Variants in RPS6KC1 observed in about 807,000 individuals in gnomAD.
The protein encoded by RPS6KC1 is ribosomal protein S6 kinase C1, also known as inactive ribosomal protein S6 kinase delta-1.
A neutral mutation model predicts 103.8 loss-of-function variants in RPS6KC1; 54 were observed. The ratio of observed to expected loss-of-function variants is 0.52; its 90% CI spans 0.42 to 0.65. The LOEUF is 0.65. Ranked by LOEUF, RPS6KC1 falls within the 30% of genes least tolerant of loss-of-function variation. The pLI is 0.00. For missense variants in RPS6KC1, 1,151 were observed against 1,253.8 expected, an observed-to-expected ratio of 0.92 and a Z score of 1.24; for synonymous variants, 439 against 438.7, an observed-to-expected ratio of 1.00 and a Z score of -0.01.
the RPS6KC1 span, among the ~76,000 whole-genome samples, chr1:213,699,726 G>A: frequency 6.6e-6 from 1 of 151,946 alleles, no homozygotes; most frequent in Admixed American, 6.6e-5. Flanking sequence ...TCTCTATTTT[G>A]ATTATAAGCC....
chr1:213,653,303 CA>C, the RPS6KC1 span, among the ~76,000 whole-genome samples: 2 of 152,054 alleles, frequency 1.3e-5, no homozygotes, highest in African/African-American at 4.8e-5. Context: ...ATTGAAAGTA[CA>C]AAAAGTTAGC....
chr1:213,824,784 G>A, the RPS6KC1 span, among the ~76,000 whole-genome samples: 550 of 152,266 alleles, frequency 3.6e-3, no homozygotes, highest in Non-Finnish European at 4.4e-3. Flanking sequence ...CCAGCCACAC[G>A]GAACTACAAG....
chr1:213,750,472 A>C, the RPS6KC1 span, among the ~76,000 whole-genome samples: 1 of 152,044 alleles, frequency 6.6e-6, no homozygotes, highest in Admixed American at 6.5e-5. Context: ...GGACGTTGGG[A>C]GGTTATTGTA....
At chr1:213,299,122 G>T in the RPS6KC1 span, among the ~76,000 whole-genome samples, 130 of 152,328 alleles carry the variant, frequency 8.5e-4, no homozygotes, top group African/African-American at 2.9e-3. Flanking sequence ...CTTCTAATCT[G>T]ATGATTCAGG....
chr1:213,751,798 G>C, the RPS6KC1 span, among the ~76,000 whole-genome samples: 11 of 152,246 alleles, frequency 7.2e-5, no homozygotes, highest in African/African-American at 9.6e-5. Context: ...TTAGGGAGTT[G>C]GTTTGGAGGT....
At chr1:213,661,530 TA>T in the RPS6KC1 span, among the ~76,000 whole-genome samples, 1 of 152,314 alleles carries the variant, frequency 6.6e-6, no homozygotes, top group South Asian at 2.1e-4. Flanking sequence ...TGATGTATGG[TA>T]AAGGTCAGTC....
At chr1:213,152,044 C>T (rs1188292044) in intron 6 of RPS6KC1, among the ~76,000 whole-genome samples, 2 of 141,710 alleles carry the variant, frequency 1.4e-5, no homozygotes, top group Non-Finnish European at 3.1e-5. Context: ...GGCAGCTGGC[C>T]GGGCGGGGGG....
chr1:213,725,627 T>C, the RPS6KC1 span, among the ~76,000 whole-genome samples: 1 of 152,162 alleles, frequency 6.6e-6, no homozygotes, highest in African/African-American at 2.4e-5. Flanking sequence ...GGGGACAGTA[T>C]CCTCTTTTGC....
the RPS6KC1 span, among the ~76,000 whole-genome samples, chr1:213,735,288 A>G: frequency 6.6e-6 from 1 of 152,204 alleles, no homozygotes; most frequent in Non-Finnish European, 1.5e-5. Flanking sequence ...CAGGATAGCT[A>G]CTGATACTAA....
At chr1:213,185,678 G>GTAT (rs1312236302) in intron 8 of RPS6KC1, among the ~76,000 whole-genome samples, 6 of 151,346 alleles carry the variant, frequency 4.0e-5, no homozygotes, top group South Asian at 2.1e-4. Flanking sequence ...TTTAAATTCA[G>GTAT]TATTATTATT....
chr1:213,354,849 C>A, the RPS6KC1 span, among the ~76,000 whole-genome samples: 1 of 152,190 alleles, frequency 6.6e-6, no homozygotes, highest in Non-Finnish European at 1.5e-5. Flanking sequence ...CTCGATATTG[C>A]CACATTGGGG....
chr1:213,332,696 G>T, the RPS6KC1 span, among the ~76,000 whole-genome samples: 4 of 152,288 alleles, frequency 2.6e-5, no homozygotes, highest in Admixed American at 2.6e-4. Context: ...CTAGAGTGGA[G>T]GGGGTGTCTT....
At chr1:213,288,175 A>T in the RPS6KC1 span, among the ~76,000 whole-genome samples, 2 of 152,210 alleles carry the variant, frequency 1.3e-5, no homozygotes, top group Admixed American at 1.3e-4. Flanking sequence ...CACTTGTGTC[A>T]ACCGTGTCAA....
chr1:213,784,398 T>A, the RPS6KC1 span, among the ~76,000 whole-genome samples: 2 of 152,228 alleles, frequency 1.3e-5, no homozygotes, highest in African/African-American at 2.4e-5. Flanking sequence ...ATCCAGTGAT[T>A]TGGTTTCTCC....
intron 6 of RPS6KC1, among the ~76,000 whole-genome samples, chr1:213,153,861 TG>T (rs1337124032): frequency 2.0e-5 from 3 of 152,146 alleles, no homozygotes; most frequent in Non-Finnish European, 4.4e-5. Flanking sequence ...CTAGGGTAAA[TG>T]TTTTTTTTTA....
At chr1:213,602,098 T>TTCTCTC in the RPS6KC1 span, among the ~76,000 whole-genome samples, 1 of 17,078 alleles carries the variant, frequency 5.9e-5, no homozygotes, top group East Asian at 1.7e-3. Context: ...CTTTCTTTCT[T>TTCTCTC]TCTTTCTTTC....
At chr1:213,454,150 G>A in the RPS6KC1 span, among the ~76,000 whole-genome samples, 10 of 151,640 alleles carry the variant, frequency 6.6e-5, no homozygotes, top group Non-Finnish European at 1.2e-4. Context: ...GACCACATGG[G>A]GGGGGTCAGC....
chr1:213,623,625 T>A, the RPS6KC1 span, among the ~76,000 whole-genome samples: 1 of 152,196 alleles, frequency 6.6e-6, no homozygotes, highest in Non-Finnish European at 1.5e-5. Flanking sequence ...ACTGTCATAC[T>A]GAGTTGGAAG....
chr1:213,094,440 T>A (rs2081272851), intron 3 of RPS6KC1, among the ~76,000 whole-genome samples: 1 of 152,154 alleles, frequency 6.6e-6, no homozygotes, highest in South Asian at 2.1e-4. Context: ...TAATCTAGAA[T>A]AGTTCTTATT....
Sources: gnomAD v4.1 joint callset for allele counts (sites outside exome capture counted in the v4.1 genomes callset) on GRCh38, gnomAD v4.1.1 for gene constraint, MANE v1.5 for transcripts, NCBI Gene and HGNC (gene_info 2026-07-23, HGNC 2026-07-21) for gene names.